HDAC9: variants seen among roughly 807,000 people sequenced by gnomAD.
HDAC9 encodes the protein histone deacetylase 9.
A neutral mutation model predicts 139.4 loss-of-function variants in HDAC9; 41 were observed. That is an observed-to-expected ratio of 0.29 (90% confidence interval 0.23 to 0.38). The LOEUF is 0.38. Among genes scored for constraint, HDAC9 ranks in the 10% least tolerant of loss-of-function variants. The pLI is 1.00. For synonymous variants in HDAC9, 517 were observed against 476.2 expected, an observed-to-expected ratio of 1.09 and a Z score of -1.12; for missense variants, 1,147 against 1,297.0, an observed-to-expected ratio of 0.88 and a Z score of 1.78.
rs1796172084 is a variant in HDAC9, at chr7:18,835,511, C to T, written c.2511C>T (p.Asp837=). ...GTACCCAGCAGGCCTTTTATGCTGACCCCAGCATCCTGTACATTTCACTCC... is the reference window on the plus strand; with the variant it reads ...GTACCCAGCAGGCCTTTTATGCTGATCCCAGCATCCTGTACATTTCACTCC... The part of the protein sequence containing the change: ...GNGTQQAFYA[D]PSILYISLHR... Residue 837 remains aspartate (D), a synonymous_variant, in exon 20 of 26, where the codon GAC becomes GAT. Transcript: ENST00000686413. The T allele has an allele frequency of 6.2e-7, 1 of 1,613,198 alleles. No individual in the cohort carries two copies.
At chr7:18,341,703 C>T (rs1485847395) in intron 1 of HDAC9, among the ~76,000 whole-genome samples, 3 of 151,730 alleles carry the variant, frequency 2.0e-5, no homozygotes, top group Non-Finnish European at 4.4e-5. Flanking sequence ...TCTAGGGTTT[C>T]TATCAGTTTT....
chr7:18,376,188 G>A (rs762218988), intron 1 of HDAC9, among the ~76,000 whole-genome samples: 12 of 152,052 alleles, frequency 7.9e-5, no homozygotes, highest in Non-Finnish European at 1.8e-4. Context: ...AATGATTAGA[G>A]CATGACACTG....
At chr7:18,465,986 G>C (rs1411205708) in intron 1 of HDAC9, among the ~76,000 whole-genome samples, 1 of 152,156 alleles carries the variant, frequency 6.6e-6, no homozygotes, top group East Asian at 1.9e-4. Flanking sequence ...ATTCAGTAAG[G>C]ATCTCACCAG....
chr7:18,676,265 T>C (rs544663340), intron 12 of HDAC9, among the ~76,000 whole-genome samples: 1 of 152,162 alleles, frequency 6.6e-6, no homozygotes, highest in Middle Eastern at 3.4e-3. Flanking sequence ...ATGGACTCTT[T>C]CTTTGGAATC....
chr7:18,378,275 A>G (rs914147506), intron 1 of HDAC9, among the ~76,000 whole-genome samples: 3 of 151,832 alleles, frequency 2.0e-5, no homozygotes, highest in Non-Finnish European at 2.9e-5. Flanking sequence ...TTCTTTTAGT[A>G]CAAACAAATA....
chr7:18,223,179 G>T (rs1034984480), intron 2 of HDAC9, among the ~76,000 whole-genome samples: 1 of 152,000 alleles, frequency 6.6e-6, no homozygotes, highest in East Asian at 1.9e-4. Context: ...TTTTTCTTAA[G>T]GGTGTTTGTT....
intron 22 of HDAC9, among the ~76,000 whole-genome samples, chr7:18,925,685 C>T (rs1017957383): frequency 2.0e-5 from 3 of 151,336 alleles, no homozygotes; most frequent in Admixed American, 6.6e-5. Flanking sequence ...GAGTTTGTGG[C>T]CAGAAAGACT....
chr7:18,892,030 T>G (rs1800728013), intron 22 of HDAC9: 1 of 152,166 alleles, frequency 6.6e-6, no homozygotes, highest in African/African-American at 2.4e-5. Flanking sequence ...ATTTCCAAGC[T>G]CTGATTACTT....
At chr7:18,850,078 G>C (rs867252536) in intron 21 of HDAC9, among the ~76,000 whole-genome samples, 3 of 117,104 alleles carry the variant, frequency 2.6e-5, no homozygotes, top group Non-Finnish European at 3.5e-5. Flanking sequence ...TTAAAAGCCT[G>C]AGTAAAAAAA....
intron 2 of HDAC9, among the ~76,000 whole-genome samples, chr7:18,206,121 T>G (rs545454856): frequency 2.3e-4 from 35 of 152,294 alleles, no homozygotes; most frequent in Middle Eastern, 6.8e-3. Flanking sequence ...TATGAAAACC[T>G]GATTGGAATT....
At chr7:18,695,053 G>A (rs915539755) in intron 12 of HDAC9, among the ~76,000 whole-genome samples, 2 of 152,098 alleles carry the variant, frequency 1.3e-5, no homozygotes, top group African/African-American at 2.4e-5. Context: ...GAATTAGTAA[G>A]GACATAAGTG....
At chr7:18,144,304 G>T (rs1786134230) in intron 1 of HDAC9, among the ~76,000 whole-genome samples, 1 of 152,164 alleles carries the variant, frequency 6.6e-6, no homozygotes, top group East Asian at 1.9e-4. Flanking sequence ...TGAACTGCTT[G>T]TTGTTCCTCA....
intron 2 of HDAC9, chr7:18,543,041 C>T (rs1242689576): frequency 6.6e-6 from 1 of 152,054 alleles, no homozygotes; most frequent in Non-Finnish European, 1.5e-5. Context: ...GTTCAAAATG[C>T]CTCCATCACT....
rs140426509 is a variant in HDAC9, at chr7:18,240,257, A to C, written c.25+77908A>C. On this transcript the variant is annotated intron_variant, in intron 2 of 12. Transcript: ENST00000417496. ...TTGGGTATTGATGAAGGCCTTAATC[A>C]ACCATAGCTGTTTAGAATTTTGAGT... Among the ~76,000 whole-genome samples, 241 of 152,274 alleles carry C rather than the reference A, an allele frequency of 1.6e-3. 1 individual carries two copies. The highest frequency in any genetic ancestry group is 5.5e-3 in the African/African-American group (229 of 41,562).
intron 1 of HDAC9, among the ~76,000 whole-genome samples, chr7:18,151,444 T>C (rs1786771979): frequency 6.6e-6 from 1 of 152,224 alleles, no homozygotes. Flanking sequence ...AAGTAGCCTG[T>C]TTTACTGATG....
intron 2 of HDAC9, among the ~76,000 whole-genome samples, chr7:18,552,242 A>G (rs973987605): frequency 3.3e-5 from 5 of 152,180 alleles, no homozygotes; most frequent in African/African-American, 1.2e-4. Flanking sequence ...ATTATTAGTA[A>G]TGCAAATTAT....
intron 2 of HDAC9, among the ~76,000 whole-genome samples, chr7:18,500,764 A>G (rs1798155957): frequency 6.6e-6 from 1 of 152,182 alleles, no homozygotes; most frequent in Non-Finnish European, 1.5e-5. Context: ...GAAGAAAAAC[A>G]TCAACTCATT....
chr7:18,424,194 C>T (rs1403764094), intron 1 of HDAC9, among the ~76,000 whole-genome samples: 4 of 152,180 alleles, frequency 2.6e-5, no homozygotes, highest in African/African-American at 9.7e-5. Context: ...TACTGTTACA[C>T]ACTTGGCAAT....
chr7:18,182,273 T>C (rs1656909803), intron 2 of HDAC9, among the ~76,000 whole-genome samples: 1 of 152,206 alleles, frequency 6.6e-6, no homozygotes, highest in African/African-American at 2.4e-5. Flanking sequence ...AATAGGTTGA[T>C]ATATACTTTT....
Sources: allele counts gnomAD v4.1 joint callset (sites outside exome capture counted in the v4.1 genomes callset), GRCh38; gene constraint gnomAD v4.1.1; transcripts MANE v1.5; gene names NCBI Gene and HGNC (gene_info 2026-07-23, HGNC 2026-07-21).